Variants in TUT4 observed in about 807,000 individuals in gnomAD.
The protein encoded by TUT4 is terminal uridylyl transferase 4.
A neutral mutation model predicts 192.2 loss-of-function variants in TUT4; 36 were observed. That is an observed-to-expected ratio of 0.19 (90% CI 0.14 to 0.25). The LOEUF (loss-of-function observed/expected upper bound fraction) is 0.25. Ranked by LOEUF, TUT4 falls within the 10% of genes least tolerant of loss-of-function variation. The pLI is 1.00. For missense variants in TUT4, 1,493 were observed against 1,957.2 expected (o/e 0.76, Z 4.47); for synonymous variants, 618 against 666.0 (o/e 0.93, Z 1.11).
chr1:52,430,956 G>A (rs1651874629), intron 28 of TUT4, 57 bp downstream of exon 28: 1 of 1,493,744 alleles, frequency 6.7e-7, no homozygotes, highest in East Asian at 2.3e-5. Flanking sequence ...TGTTTCTACA[G>A]ACAGATACAA....
At chr1:52,508,160 C>G (rs111405874) in intron 4 of TUT4, among the ~76,000 whole-genome samples, 2 of 151,542 alleles carry the variant, frequency 1.3e-5, no homozygotes, top group African/African-American at 4.9e-5. Context: ...GGTGAAACCC[C>G]GTCTCTATTA....
Position 52,488,953 on chromosome 1 carries a change from G to A in TUT4, c.1471C>T (p.Pro491Ser). 1.2e-6 allele frequency: 2 copies of A among 1,613,764 alleles called. No homozygotes were observed. The highest frequency in any genetic ancestry group is 1.7e-6 in the Non-Finnish European group (2 of 1,179,854). Residue 491 changes from proline to serine, a missense_variant, in exon 9 of 30, where the codon CCT becomes TCT. By Grantham distance (74) the Pro-to-Ser change is moderately conservative. Transcript: ENST00000257177. ...DLLTALGKIE[P>S]VFIPLVLAFR... ...GCTAACACCAAGGGAATAAAGACAG[G>A]TTCTATTTTGCCAAGGGCAGTAAGT...
intron 24 of TUT4, among the ~76,000 whole-genome samples, chr1:52,443,321 G>T (rs967786809): frequency 6.0e-5 from 9 of 151,178 alleles, no homozygotes; most frequent in Non-Finnish European, 1.2e-4. Flanking sequence ...GGGCACAGTG[G>T]CTCACGCCTG....
intron 4 of TUT4, among the ~76,000 whole-genome samples, chr1:52,503,551 A>G (rs557310888): frequency 2.0e-5 from 3 of 152,184 alleles, no homozygotes; most frequent in East Asian, 3.9e-4. Context: ...AGGATTATCA[A>G]AACCTCCTTA....
In TUT4 at chr1:52,545,966, CA is replaced by C. The variant is rs71041901; in HGVS notation, c.-94+6964del. On this transcript the variant is annotated intron_variant, in intron 1 of 29. Transcript: ENST00000257177. ...GTGAAACTGCATCTCTACAAAAATA[CA>C]AAAAAAAAAAAAAAAAAAAAAATTG... 2.1e-3 allele frequency among the ~76,000 whole-genome samples: 154 copies of C among 72,374 alleles called. 1 individual carries two copies. The highest frequency in any genetic ancestry group is 0.012 in the East Asian group (28 of 2,408). The allele number at this position is 72,374 out of a possible 152,430, so 47.5% of individuals were successfully genotyped here.
rs1666840175 is a variant in TUT4, at chr1:52,475,477, T to C, written c.2082A>G (p.Glu694=). The change falls in exon 13 of 30, where the codon GAA becomes GAG. Residue 694 remains glutamate (E), a synonymous_variant. Coordinates refer to ENST00000257177, the MANE Select transcript of TUT4 (RefSeq NM_001009881.3). ...ARSLNSQLVY[E]YVVERFRAAY... ...CTGCCCTAAATCTCTCCACAACATA[T>C]TCGTAAACCAGCTGGCTGTTTAAGC... is the stretch of plus-strand genomic sequence containing the variant. The C allele has an allele frequency of 6.2e-7, 1 of 1,614,070 alleles. No individual in the cohort carries two copies. Among genetic ancestry groups the C allele is most frequent in the South Asian group, 1.1e-5 (1 of 91,072 alleles).
chr1:52,531,369 T>C (rs2149517782), intron 1 of TUT4, among the ~76,000 whole-genome samples: 1 of 152,156 alleles, frequency 6.6e-6, no homozygotes, highest in South Asian at 2.1e-4. Flanking sequence ...GGGCCACACT[T>C]AATGAACCAT....
At chr1:52,442,733 A>G (rs573603127) in intron 24 of TUT4, among the ~76,000 whole-genome samples, 1 of 152,214 alleles carries the variant, frequency 6.6e-6, no homozygotes, top group Non-Finnish European at 1.5e-5. Context: ...CCATCAAAAG[A>G]AAAGTTAGAT....
intron 1 of TUT4, among the ~76,000 whole-genome samples, chr1:52,551,882 G>A (rs1413399169): frequency 3.3e-5 from 5 of 152,088 alleles, no homozygotes; most frequent in African/African-American, 4.8e-5. Flanking sequence ...CAAACATTTC[G>A]CTGCTGTAAG....
At chr1:52,463,779 T>C (rs756956290) in intron 16 of TUT4, 4 of 1,304,064 alleles carry the variant, frequency 3.1e-6, no homozygotes, top group African/African-American at 1.5e-5. Context: ...TATTAAGGCC[T>C]GGTATACAAA....
At chr1:52,456,411 C>CAAAAAAAAAAAAAAAAAAAAAAAAAAAA (rs1157223640) in intron 20 of TUT4, among the ~76,000 whole-genome samples, 1 of 11,998 alleles carries the variant, frequency 8.3e-5, no homozygotes, top group African/African-American at 2.1e-4. Context: ...GACTGTGTCT[C>CAAAAAAAAAAAAAAAAAAAAAAAAAAAA]AAAAAAAAAA....
chr1:52,511,919 A>G (rs1302021851), intron 3 of TUT4, among the ~76,000 whole-genome samples: 1 of 152,234 alleles, frequency 6.6e-6, no homozygotes, highest in Non-Finnish European at 1.5e-5. Flanking sequence ...GCATAATTCA[A>G]TAATCCAAAA....
At chr1:52,513,897 T>C (rs866329305) in intron 3 of TUT4, among the ~76,000 whole-genome samples, 6 of 152,302 alleles carry the variant, frequency 3.9e-5, no homozygotes, top group Middle Eastern at 3.4e-3. Context: ...TTATAACACC[T>C]AGCGCATAGG....
intron 20 of TUT4, among the ~76,000 whole-genome samples, chr1:52,448,188 A>G (rs1195976242): frequency 6.6e-6 from 1 of 152,254 alleles, no homozygotes; most frequent in African/African-American, 2.4e-5. Flanking sequence ...TCAAGCTTCC[A>G]GGGACTAGGG....
chr1:52,466,662 AT>A (rs1226591051), intron 15 of TUT4, among the ~76,000 whole-genome samples: 10 of 104,906 alleles, frequency 9.5e-5, no homozygotes, highest in Admixed American at 1.7e-4. Flanking sequence ...AAAAAAAAAT[AT>A]ATATATATAT....
rs138727066 is a variant in TUT4 at position 52,484,286 on chromosome 1, C to T, written c.1516-2363G>A. On this transcript the variant is annotated intron_variant, in intron 9 of 29. Transcript: ENST00000257177. ...AATAAAAAATACAAATTAAAAAATACAGTACAACTATTTACAGAGCATTTA... is the reference window on the plus strand; with the variant it reads ...AATAAAAAATACAAATTAAAAAATATAGTACAACTATTTACAGAGCATTTA... Among the ~76,000 whole-genome samples, 540 of 152,142 alleles carry T rather than the reference C, an allele frequency of 3.5e-3. 7 individuals carry two copies. Among genetic ancestry groups the T allele is most frequent in the South Asian group, 0.034 (163 of 4,818 alleles).
At chr1:52,430,568 C>T (rs1651749414) in intron 28 of TUT4, among the ~76,000 whole-genome samples, 1 of 152,232 alleles carries the variant, frequency 6.6e-6, no homozygotes, top group Non-Finnish European at 1.5e-5. Context: ...CAGGCATGAG[C>T]CACCATGCCC....
chr1:52,431,478 ATTT>A lies in TUT4; in HGVS notation c.4264-21_4264-19del, dbSNP rs756812832. 9 of 1,432,742 alleles carry A rather than the reference ATTT, an allele frequency of 6.3e-6. No individual in the cohort carries two copies. Among genetic ancestry groups the A allele is most frequent in the Non-Finnish European group, 7.4e-6 (8 of 1,081,418 alleles). 88.8% of individuals were successfully genotyped at this position (1,432,742 alleles called of 1,614,324 possible). On this transcript the variant is annotated intron_variant, in intron 27 of 29. Coordinates refer to ENST00000257177, the MANE Select transcript of TUT4 (RefSeq NM_001009881.3). ...GATTCAGACTGCAGACAAAAAAAAAATTTTTTTTAATTAATTTATAAACATCTT... is the reference window on the plus strand; with the variant it reads ...GATTCAGACTGCAGACAAAAAAAAAATTTTTAATTAATTTATAAACATCTT...
rs74409417 is a variant in TUT4 at position 52,476,978 on chromosome 1, T to C, written c.2023+730A>G. ...CAAAGATCTTAATGGTCTTGGGATC[T>C]GATGTGAAACTTTGTCAACATCAGT... is the stretch of plus-strand genomic sequence containing the variant. On this transcript the variant is annotated intron_variant, in intron 12 of 29. Transcript: ENST00000257177. 3.3e-3 allele frequency among the ~76,000 whole-genome samples: 496 copies of C among 152,362 alleles called. 2 individuals carry two copies. The highest frequency in any genetic ancestry group is 0.011 in the African/African-American group (475 of 41,586).
Sources: gnomAD v4.1 joint callset for allele counts (sites outside exome capture counted in the v4.1 genomes callset) on GRCh38, gnomAD v4.1.1 for gene constraint, MANE v1.5 for transcripts, NCBI Gene and HGNC (gene_info 2026-07-23, HGNC 2026-07-21) for gene names.